MYL1: variants seen among roughly 807,000 people sequenced by gnomAD.
The protein encoded by MYL1 is myosin light chain 1.
A neutral mutation model predicts 21.8 loss-of-function variants in MYL1; 16 were observed. The observed-to-expected ratio is 0.74, with a 90% CI of 0.50 to 1.12. The LOEUF (loss-of-function observed/expected upper bound fraction) is 1.12. MYL1 is among the 50% of genes most tolerant of loss of function. MYL1 has a pLI of 0.00. For missense variants in MYL1, 246 were observed against 241.0 expected (o/e 1.02, Z -0.14); for synonymous variants, 99 against 85.2 (o/e 1.16, Z -0.89).
At chr2:210,313,202 C>T (rs1690442226) in intron 1 of MYL1, among the ~76,000 whole-genome samples, 1 of 151,916 alleles carries the variant, frequency 6.6e-6, no homozygotes, top group Admixed American at 6.5e-5. Context: ...TAGTTAGATA[C>T]TTCATTTGCT....
At chr2:210,304,262 G>A (rs554566135) in intron 1 of MYL1, among the ~76,000 whole-genome samples, 7 of 152,254 alleles carry the variant, frequency 4.6e-5, no homozygotes, top group African/African-American at 1.7e-4. Context: ...GTCTCCTTAC[G>A]TTAGGTCTGG....
chr2:210,301,703 T>C (rs932511341), intron 2 of MYL1, among the ~76,000 whole-genome samples: 1 of 152,136 alleles, frequency 6.6e-6, no homozygotes, highest in Admixed American at 6.6e-5. Flanking sequence ...CAAGCTCCTG[T>C]GGAGTATGGG....
intron 3 of MYL1, among the ~76,000 whole-genome samples, chr2:210,296,800 C>T (rs1690180161): frequency 6.6e-6 from 1 of 151,980 alleles, no homozygotes; most frequent in Non-Finnish European, 1.5e-5. Flanking sequence ...TTCCTTCCAC[C>T]CTTTCCTGTC....
intron 2 of MYL1, among the ~76,000 whole-genome samples, chr2:210,299,730 C>T (rs940644791): frequency 2.0e-5 from 3 of 152,028 alleles, no homozygotes; most frequent in African/African-American, 7.2e-5. Flanking sequence ...TTAATTAGAA[C>T]TTATAAACTA....
intron 3 of MYL1, among the ~76,000 whole-genome samples, chr2:210,297,519 GTT>G (rs34693879): frequency 7.1e-6 from 1 of 141,438 alleles, no homozygotes. Context: ...TTATTCGTGG[GTT>G]TTTTTTTTTG....
chr2:210,301,943 G>T (rs966076421), intron 2 of MYL1, among the ~76,000 whole-genome samples: 1 of 152,090 alleles, frequency 6.6e-6, no homozygotes, highest in Non-Finnish European at 1.5e-5. Flanking sequence ...CTCAGGGAGG[G>T]GTTAAACCAG....
chr2:210,297,078 T>A (rs934048797), intron 3 of MYL1, among the ~76,000 whole-genome samples: 1 of 150,806 alleles, frequency 6.6e-6, no homozygotes, highest in Non-Finnish European at 1.5e-5. Context: ...CATCTGTTGA[T>A]GGACATTTAT....
rs943783400 is a variant in MYL1, at chr2:210,315,071, GAGA to G, written c.-32_-30del. 1 of 1,589,510 alleles carries G rather than the reference GAGA, an allele frequency of 6.3e-7. No homozygotes were observed. Among genetic ancestry groups the G allele is most frequent in the Admixed American group, 1.9e-5 (1 of 51,504 alleles). ...TTTTTTTAAAAGGGTGGGTTAAAAA[GAGA>G]AGGAGTTCCTCCAAAAGAACCTGTC... On this transcript the variant is annotated 5_prime_UTR_variant, in exon 1 of 7. Transcript: ENST00000352451.
rs1690471374 is a variant in MYL1, at chr2:210,314,982, C to T, written c.61G>A (p.Ala21Thr). 1 of 1,612,128 alleles carries T rather than the reference C, an allele frequency of 6.2e-7. No individual in the cohort carries two copies. The highest frequency in any genetic ancestry group is 8.5e-7 in the Non-Finnish European group (1 of 1,179,312). Residue 21 changes from alanine to threonine, a missense_variant, in exon 1 of 7, where the codon GCA (alanine) becomes ACA (threonine). Transcript: ENST00000352451. ...VAAAAAAPAP[A>T]PAPAPAPAPA... ...GCAGGGGCAGGTGCAGGTGCCGGTG[C>T]CGGGGCTGGGGCAGCCGCAGCCGCA...
At chr2:210,291,626 C>T (rs1690077225) in intron 5 of MYL1, among the ~76,000 whole-genome samples, 1 of 151,932 alleles carries the variant, frequency 6.6e-6, no homozygotes, top group South Asian at 2.1e-4. Flanking sequence ...TTTTGTATTC[C>T]TTTTTTCAAT....
chr2:210,299,724 T>C (rs928064427), intron 2 of MYL1, among the ~76,000 whole-genome samples: 1 of 152,168 alleles, frequency 6.6e-6, no homozygotes, highest in Admixed American at 6.5e-5. Context: ...ACCATTTTAA[T>C]TAGAACTTAT....
chr2:210,295,985 A>G (rs1410664466), intron 3 of MYL1, among the ~76,000 whole-genome samples: 3 of 152,164 alleles, frequency 2.0e-5, no homozygotes, highest in Admixed American at 6.5e-5. Flanking sequence ...TTTTCCTGAA[A>G]TCAAGTTTTC....
chr2:210,309,363 A>G (rs1690384600), intron 1 of MYL1, among the ~76,000 whole-genome samples: 1 of 152,048 alleles, frequency 6.6e-6, no homozygotes, highest in African/African-American at 2.4e-5. Context: ...TTTACTAGGT[A>G]CTTTATCACA....
chr2:210,314,872 A>G (rs1238081744), intron 1 of MYL1, 39 bp downstream of exon 1: 1 of 1,610,864 alleles, frequency 6.2e-7, no homozygotes, highest in East Asian at 2.2e-5. Context: ...TACTATTGAA[A>G]GATGTTTCAG....
chr2:210,295,037 T>C (rs576829987), intron 3 of MYL1, among the ~76,000 whole-genome samples: 26 of 152,268 alleles, frequency 1.7e-4, no homozygotes, highest in Non-Finnish European at 3.7e-4. Flanking sequence ...TTCTGACTTC[T>C]TTGTACCTTA....
chr2:210,292,316 A>G (rs972402767), intron 5 of MYL1, among the ~76,000 whole-genome samples: 1 of 152,018 alleles, frequency 6.6e-6, no homozygotes, highest in Non-Finnish European at 1.5e-5. Context: ...CAAGTGATCT[A>G]CCTACCTGGG....
chr2:210,305,644 C>T (rs1338870821), intron 1 of MYL1, among the ~76,000 whole-genome samples: 1 of 152,016 alleles, frequency 6.6e-6, no homozygotes, highest in Non-Finnish European at 1.5e-5. Context: ...CAAAATTGCC[C>T]TACTAAACAT....
chr2:210,315,128 T>C lies in MYL1; in HGVS notation c.-86A>G. ...ATGATTCTTGGAAGAGGAGTGGTGG[T>C]TGGGTTGATCCACAGCCCAGTGTCT... On this transcript the variant is annotated 5_prime_UTR_variant, in exon 1 of 7. Coordinates refer to ENST00000352451, the MANE Select transcript of MYL1 (RefSeq NM_079420.3). The C allele has an allele frequency of 6.5e-7, 1 of 1,528,966 alleles. No individual in the cohort carries two copies. Among genetic ancestry groups the C allele is most frequent in the South Asian group, 1.2e-5 (1 of 83,256 alleles). 94.7% of individuals were successfully genotyped at this position (1,528,966 alleles called of 1,614,324 possible).
intron 1 of MYL1, 161 bp from the exon 2 acceptor site, chr2:210,302,676 C>T (rs1330122254): frequency 1.5e-5 from 22 of 1,506,610 alleles, no homozygotes. Context: ...ACAGGTTAAG[C>T]CATAGTGTAA....
Sources: allele counts gnomAD v4.1 joint callset (sites outside exome capture counted in the v4.1 genomes callset), GRCh38; gene constraint gnomAD v4.1.1; transcripts MANE v1.5; gene names NCBI Gene and HGNC (gene_info 2026-07-23, HGNC 2026-07-21).